MYOCOS: variants seen among roughly 807,000 people sequenced by gnomAD.
MYOCOS encodes the protein myocilin opposite strand protein.
chr1:171,612,600 T>G (rs1652376398), intron 1 of MYOCOS, among the ~76,000 whole-genome samples: 2 of 150,742 alleles, frequency 1.3e-5, no homozygotes, highest in South Asian at 2.1e-4. Context: ...CCGAGGTGGG[T>G]GGATCACTTG....
chr1:171,613,472 G>T (rs763417645), intron 1 of MYOCOS, among the ~76,000 whole-genome samples: 4 of 152,178 alleles, frequency 2.6e-5, no homozygotes, highest in Non-Finnish European at 4.4e-5. Flanking sequence ...GCCCATTAAA[G>T]ACTTCATTTC....
intron 1 of MYOCOS, among the ~76,000 whole-genome samples, chr1:171,607,427 C>A (rs1652272006): frequency 6.6e-6 from 1 of 152,132 alleles, no homozygotes; most frequent in African/African-American, 2.4e-5. Context: ...GCTGAGAGGT[C>A]CTAGAGTCCT....
chr1:171,613,798 G>T (rs1652398680), intron 1 of MYOCOS, among the ~76,000 whole-genome samples: 1 of 152,088 alleles, frequency 6.6e-6, no homozygotes, highest in Non-Finnish European at 1.5e-5. Flanking sequence ...TCCTCCCAAA[G>T]TGCTAGGATT....
At chr1:171,621,294 T>C (rs1367554116), upstream of MYOCOS, among the ~76,000 whole-genome samples, 1 of 151,966 alleles carries the variant, frequency 6.6e-6, no homozygotes, top group Non-Finnish European at 1.5e-5. Flanking sequence ...TACGTATATA[T>C]AGACCTTGTG....
chr1:171,617,114 G>A (rs1652464905), intron 2 of MYOCOS, among the ~76,000 whole-genome samples: 2 of 152,146 alleles, frequency 1.3e-5, no homozygotes, highest in Non-Finnish European at 2.9e-5. Flanking sequence ...ACAGCTGTGT[G>A]GGAGCCACTG....
chr1:171,613,962 ATCT>A (rs1424996301), intron 1 of MYOCOS, among the ~76,000 whole-genome samples: 3 of 152,110 alleles, frequency 2.0e-5, no homozygotes, highest in Admixed American at 6.5e-5. Context: ...CCAGTCTTTC[ATCT>A]TCTTTCTCAA....
intron 2 of MYOCOS, among the ~76,000 whole-genome samples, chr1:171,615,658 C>T (rs1652432801): frequency 6.6e-6 from 1 of 152,192 alleles, no homozygotes; most frequent in Admixed American, 6.5e-5. Flanking sequence ...AACTCCCTGC[C>T]CTGTTCTGTT....
At chr1:171,608,684 G>T (rs761608702) in intron 1 of MYOCOS, among the ~76,000 whole-genome samples, 35 of 152,024 alleles carry the variant, frequency 2.3e-4, no homozygotes, top group Non-Finnish European at 4.6e-4. Flanking sequence ...GCCTCCCAAA[G>T]GGCTGGGATT....
chr1:171,605,647 C>T (rs201552206), intron 1 of MYOCOS, among the ~76,000 whole-genome samples: 1 of 151,996 alleles, frequency 6.6e-6, no homozygotes, highest in Non-Finnish European at 1.5e-5. Flanking sequence ...AACTTCTAGG[C>T]TTCCCAGTCT....
chr1:171,623,034 A>T (rs1652604629), intron 1 of MYOCOS, among the ~76,000 whole-genome samples: 1 of 152,114 alleles, frequency 6.6e-6, no homozygotes, highest in Non-Finnish European at 1.5e-5. Flanking sequence ...TTTGAGACCA[A>T]CCTGAGCAAC....
At chr1:171,609,958 C>T (rs1048391845) in intron 1 of MYOCOS, among the ~76,000 whole-genome samples, 1 of 152,164 alleles carries the variant, frequency 6.6e-6, no homozygotes, top group African/African-American at 2.4e-5. Context: ...AATTATTTTC[C>T]AAGATCACTC....
chr1:171,612,214 G>A (rs1287368547), intron 1 of MYOCOS, among the ~76,000 whole-genome samples: 1 of 151,972 alleles, frequency 6.6e-6, no homozygotes, highest in African/African-American at 2.4e-5. Context: ...GAGTAGCTGG[G>A]GTTACAGGCA....
chr1:171,619,902 C>T (rs1332742846), upstream of MYOCOS, among the ~76,000 whole-genome samples: 1 of 150,302 alleles, frequency 6.7e-6, no homozygotes, highest in Non-Finnish European at 1.5e-5. Flanking sequence ...AATTTGCATA[C>T]AATAATTGCT....
chr1:171,605,939 T>G (rs114290590), intron 1 of MYOCOS, among the ~76,000 whole-genome samples: 1,822 of 152,322 alleles, frequency 0.012, 8 homozygotes, highest in Middle Eastern at 0.02. Flanking sequence ...CTTGACTACT[T>G]GCTAGCAGCT....
chr1:171,617,147 A>G (rs1652465403), intron 2 of MYOCOS, among the ~76,000 whole-genome samples: 1 of 152,146 alleles, frequency 6.6e-6, no homozygotes. Flanking sequence ...GAGACAGGGC[A>G]GACAGTGTGA....
At chr1:171,605,395 A>AT (rs1553253249) in intron 1 of MYOCOS, among the ~76,000 whole-genome samples, 1 of 114,728 alleles carries the variant, frequency 8.7e-6, no homozygotes, top group African/African-American at 3.9e-5. Flanking sequence ...ACACACACAC[A>AT]AAAAAAAAAA....
At chr1:171,602,200 GAC>G (rs1652156065) in intron 1 of MYOCOS, among the ~76,000 whole-genome samples, 1 of 152,082 alleles carries the variant, frequency 6.6e-6, no homozygotes, top group South Asian at 2.1e-4. Flanking sequence ...AGAAAGTTGA[GAC>G]ATGTTGAAAA....
intron 1 of MYOCOS, among the ~76,000 whole-genome samples, chr1:171,609,303 A>G (rs1652309227): frequency 6.6e-6 from 1 of 152,222 alleles, no homozygotes; most frequent in Non-Finnish European, 1.5e-5. Context: ...CCTTGGCCCT[A>G]TCTCCTCCTT....
chr1:171,624,640 C>T (rs915781542), intron 2 of MYOCOS, among the ~76,000 whole-genome samples: 14 of 151,984 alleles, frequency 9.2e-5, no homozygotes, highest in African/African-American at 1.2e-4. Flanking sequence ...TTAGTAGAGA[C>T]GGGGTTTCAC....
Sources: allele counts gnomAD v4.1 joint callset (sites outside exome capture counted in the v4.1 genomes callset), GRCh38; gene constraint gnomAD v4.1.1; transcripts MANE v1.5; gene names NCBI Gene and HGNC (gene_info 2026-07-23, HGNC 2026-07-21).